EIF4E3: variants seen among roughly 807,000 people sequenced by gnomAD.
EIF4E3 encodes eukaryotic translation initiation factor 4E family member 3.
EIF4E3 carries 26 observed loss-of-function variants against 31.7 expected under a neutral mutation model. That is an observed-to-expected ratio of 0.82 (90% CI 0.60 to 1.14). The LOEUF is 1.14. Ranked by LOEUF, EIF4E3 falls within the 50% of genes most tolerant of loss-of-function variation. The pLI, the probability that EIF4E3 is intolerant of heterozygous loss-of-function variation, is 0.00. For synonymous variants in EIF4E3, 128 were observed against 107.7 expected, an observed-to-expected ratio of 1.19 and a Z score of -1.17; for missense variants, 304 against 270.9, an observed-to-expected ratio of 1.12 and a Z score of -0.86.
At chr3:71,686,146 C>A (rs1244362528) in intron 6 of EIF4E3, among the ~76,000 whole-genome samples, 1 of 152,002 alleles carries the variant, frequency 6.6e-6, no homozygotes, top group African/African-American at 2.4e-5. Context: ...CCACCATGCC[C>A]GGCTAACTTT....
At chr3:71,670,434 C>T (rs1247454022), downstream of EIF4E3, among the ~76,000 whole-genome samples, 2 of 152,192 alleles carry the variant, frequency 1.3e-5, no homozygotes, top group Non-Finnish European at 2.9e-5. Context: ...CCCGTGGCCC[C>T]AGCCACGGCC....
At chr3:71,693,835 C>T in intron 5 of EIF4E3, 40 bp downstream of exon 5, 1 of 1,480,652 alleles carries the variant, frequency 6.8e-7, no homozygotes, top group Non-Finnish European at 9.0e-7. Flanking sequence ...AAGCCAGGAG[C>T]ACACGAGGCA....
Position 71,705,505 on chromosome 3 carries a change from GT to G in EIF4E3, c.249+4906del, listed in dbSNP as rs2049279789. ...AATTTCCACTTATAGAGGAAATATG[GT>G]TTCTGTTTTATGCAAATTTAAATAA... On this transcript the variant is annotated intron_variant, in intron 2 of 6. Transcript: ENST00000425534. 2.6e-5 allele frequency among the ~76,000 whole-genome samples: 4 copies of G among 152,276 alleles called. No individual in the cohort carries two copies. In the South Asian group the frequency reaches 8.3e-4, roughly 32 times the overall value.
rs555418165 is a variant in EIF4E3 at position 71,685,855 on chromosome 3, G to A, written c.629-1127C>T. 3.2e-4 allele frequency among the ~76,000 whole-genome samples: 48 copies of A among 152,350 alleles called. 1 individual carries two copies. The highest frequency in any genetic ancestry group is 1.1e-3 in the African/African-American group (44 of 41,592). On this transcript the variant is annotated intron_variant, in intron 6 of 6. Transcript: ENST00000425534. The stretch of plus-strand genomic sequence containing the variant: ...GGAAGCAACGTCTGATAAAGGTGGG[G>A]TGATTCAGGACTCTGGGTGCTTTGA...
chr3:71,676,598 A>G lies in EIF4E3; in HGVS notation c.*8084T>C, dbSNP rs556858255. 2.0e-5 allele frequency: 3 copies of G among 152,318 alleles called. No homozygotes were observed. Among genetic ancestry groups the G allele is most frequent in the South Asian group, 4.1e-4 (2 of 4,824 alleles). The allele number at this position is 152,318 out of a possible 1,614,324, so 9.4% of individuals were successfully genotyped here. A position where few individuals can be genotyped will look rare whatever the true frequency, so the allele number is the denominator to read the frequency against. On this transcript the variant is annotated 3_prime_UTR_variant, in exon 7 of 7. Coordinates refer to ENST00000425534, the MANE Select transcript of EIF4E3 (RefSeq NM_001134651.2). ...TGTCACTGTGTGTTATTGCTTTATT[A>G]CACTTTTAAAAATACTTCTTAAAAT... is the stretch of plus-strand genomic sequence containing the variant.
At chr3:71,751,556 G>A (rs984323874) in intron 1 of EIF4E3, among the ~76,000 whole-genome samples, 8 of 152,198 alleles carry the variant, frequency 5.3e-5, no homozygotes, top group Non-Finnish European at 2.9e-5. Context: ...CAAGCGCTAA[G>A]GGCCACAGCA....
At chr3:71,727,747 T>A (rs115799906), upstream of EIF4E3, among the ~76,000 whole-genome samples, 3,778 of 152,336 alleles carry the variant, frequency 0.025, 73 homozygotes, top group Non-Finnish European at 0.039. Flanking sequence ...TGTATAAAAT[T>A]CCAAGGCATG....
At chr3:71,704,462 G>A (rs1013275296) in intron 2 of EIF4E3, among the ~76,000 whole-genome samples, 1 of 152,236 alleles carries the variant, frequency 6.6e-6, no homozygotes, top group African/African-American at 2.4e-5. Context: ...GAAGGCAGGA[G>A]GGGTTATTCT....
At chr3:71,709,126 G>A (rs1355875365) in intron 2 of EIF4E3, among the ~76,000 whole-genome samples, 2 of 152,132 alleles carry the variant, frequency 1.3e-5, no homozygotes, top group Non-Finnish European at 2.9e-5. Flanking sequence ...CTGCATGTAA[G>A]AGGCTGCCTA....
intron 2 of EIF4E3, among the ~76,000 whole-genome samples, chr3:71,706,645 C>T (rs2049297044): frequency 6.6e-6 from 1 of 152,004 alleles, no homozygotes; most frequent in African/African-American, 2.4e-5. Context: ...AGCAAGACCC[C>T]ATCTCTACAA....
chr3:71,710,421 C>A lies in EIF4E3; in HGVS notation c.240G>T (p.Gln80His), dbSNP rs1459635103. Residue 80 changes from glutamine to histidine, a missense_variant, in exon 2 of 7, where the codon CAG becomes CAT. Physicochemically the swap from Gln to His is conservative, Grantham distance 24. Transcript: ENST00000425534. ...ASNLKKIYTV[Q>H]TVQIFWSVYN... ...CCTCTCTTGATCTTACCTGTACTGT[C>A]TGTACTGTGTAGATTTTCTTCAGAT... The A allele has an allele frequency of 1.3e-6, 2 of 1,552,008 alleles. No individual in the cohort carries two copies. Among genetic ancestry groups the A allele is most frequent in the African/African-American group, 2.7e-5 (2 of 73,042 alleles).
chr3:71,753,019 C>T (rs1225755177), intron 1 of EIF4E3, among the ~76,000 whole-genome samples: 1 of 152,208 alleles, frequency 6.6e-6, no homozygotes, highest in African/African-American at 2.4e-5. Flanking sequence ...GATATAGGTC[C>T]TTCACCGGGA....
Position 71,711,891 on chromosome 3 carries a change from G to A in EIF4E3, c.177-1407C>T, listed in dbSNP as rs143019001. 5.9e-3 allele frequency among the ~76,000 whole-genome samples: 893 copies of A among 152,288 alleles called. 12 individuals carry two copies. Among genetic ancestry groups the A allele is most frequent in the African/African-American group, 0.021 (852 of 41,546 alleles). The stretch of plus-strand genomic sequence containing the variant: ...CCAGCTACTGGGGAGGCTGAGACAC[G>A]AGAATCGCTTGAACACAGGAGATGG... On this transcript the variant is annotated intron_variant, in intron 1 of 6. Transcript: ENST00000425534.
chr3:71,665,629 C>T, the EIF4E3 span, among the ~76,000 whole-genome samples: 1 of 152,184 alleles, frequency 6.6e-6, no homozygotes, highest in African/African-American at 2.4e-5. Flanking sequence ...GAACTCTCCA[C>T]CCCAAATCAA....
chr3:71,686,543 A>AGAGTGTGTGTGT lies in EIF4E3; in HGVS notation c.629-1816_629-1815insACACACACACTC, dbSNP rs1553659503. Among the ~76,000 whole-genome samples, 23 of 143,600 alleles carry AGAGTGTGTGTGT rather than the reference A, an allele frequency of 1.6e-4. No individual in the cohort carries two copies. The South Asian group carries it at 4.7e-3, about 29-fold the overall frequency. The allele number at this position is 143,600 out of a possible 152,430, so 94.2% of individuals were successfully genotyped here. On this transcript the variant is annotated intron_variant, in intron 6 of 6. Coordinates refer to ENST00000425534, the MANE Select transcript of EIF4E3 (RefSeq NM_001134651.2). Reference sequence around the variant, plus strand: ...TTAACTTTGCAAATATTTCACATTGAGTGTGTGTGTGTGTGTGTGTGTGTG... The same window carrying AGAGTGTGTGTGT: ...TTAACTTTGCAAATATTTCACATTGAGAGTGTGTGTGTGTGTGTGTGTGTGTGTGTGTGTGTG...
In EIF4E3 at chr3:71,725,187, C is replaced by A; in HGVS notation, c.176+5G>T. 1.8e-6 allele frequency: 2 copies of A among 1,106,710 alleles called. No individual in the cohort carries two copies. Among genetic ancestry groups the A allele is most frequent in the Non-Finnish European group, 2.2e-6 (2 of 908,438 alleles). 68.6% of individuals were successfully genotyped at this position (1,106,710 alleles called of 1,614,324 possible). A position where few individuals can be genotyped will look rare whatever the true frequency, so the allele number is the denominator to read the frequency against. On this transcript the variant is annotated splice_donor_5th_base_variant and intron_variant, in intron 1 of 6. Coordinates refer to ENST00000425534, the MANE Select transcript of EIF4E3 (RefSeq NM_001134651.2). This position sits in a 1 kb window ranked among gnomAD's most constrained non-coding sequence, Gnocchi z 6.1. ...CCGTGCGCGGCGGGCCCCGCGCCCCCTCACCTGTCGAGCCAGAAGGTCCAG... is the reference window on the plus strand; with the variant it reads ...CCGTGCGCGGCGGGCCCCGCGCCCCATCACCTGTCGAGCCAGAAGGTCCAG...
At chr3:71,672,942 G>T (rs181683908), downstream of EIF4E3, among the ~76,000 whole-genome samples, 2 of 152,334 alleles carry the variant, frequency 1.3e-5, no homozygotes, top group East Asian at 3.9e-4. Context: ...AGGCATGGGG[G>T]TGGAAGGATT....
the EIF4E3 span, among the ~76,000 whole-genome samples, chr3:71,664,776 G>A: frequency 6.6e-6 from 1 of 152,164 alleles, no homozygotes; most frequent in African/African-American, 2.4e-5. Context: ...TCGGGAGGCT[G>A]AGGCATGAGA....
chr3:71,730,430 C>T (rs1465957125), intron 1 of EIF4E3, among the ~76,000 whole-genome samples: 3 of 152,198 alleles, frequency 2.0e-5, no homozygotes, highest in Non-Finnish European at 4.4e-5. Flanking sequence ...ATAGAAAAAG[C>T]TCAACTAGTG....
Sources: allele counts gnomAD v4.1 joint callset (sites outside exome capture counted in the v4.1 genomes callset), GRCh38; gene constraint gnomAD v4.1.1; non-coding constraint Gnocchi (gnomAD v3.1); transcripts MANE v1.5; gene names NCBI Gene and HGNC (gene_info 2026-07-23, HGNC 2026-07-21).